Variants in KCTD16 observed in about 807,000 individuals in gnomAD.
KCTD16 encodes the protein BTB/POZ domain-containing protein KCTD16.
KCTD16 carries 13 observed loss-of-function variants against 33.2 expected under a neutral mutation model. The ratio of observed to expected loss-of-function variants is 0.39; its 90% CI spans 0.25 to 0.62. KCTD16 has a LOEUF of 0.62. KCTD16 is among the 20% of genes least tolerant of loss of function. KCTD16 has a pLI of 0.50. For missense variants in KCTD16, 441 were observed against 525.1 expected (o/e 0.84, Z 1.57); for synonymous variants, 197 against 195.3 (o/e 1.01, Z -0.07).
intron 2 of KCTD16, among the ~76,000 whole-genome samples, chr5:144,197,505 G>T (rs1304330952): frequency 1.3e-5 from 2 of 152,112 alleles, no homozygotes; most frequent in Non-Finnish European, 2.9e-5. Context: ...TCATTCATTT[G>T]CTTGTTCATT....
Position 144,474,825 on chromosome 5 carries a change from C to T in KCTD16, c.*711C>T, listed in dbSNP as rs921744693. ...AAGATTTCCCAGCCTTTCTTCACAA[C>T]ACTTTCTAACATCAAATGACTCTCA... On this transcript the variant is annotated 3_prime_UTR_variant, in exon 4 of 4. Coordinates refer to ENST00000512467, the MANE Select transcript of KCTD16 (RefSeq NM_020768.4). 1 of 152,232 alleles carries T rather than the reference C, an allele frequency of 6.6e-6. No homozygotes were observed. Among genetic ancestry groups the T allele is most frequent in the Non-Finnish European group, 1.5e-5 (1 of 68,054 alleles). 9.4% of individuals were successfully genotyped at this position (152,232 alleles called of 1,614,324 possible).
At chr5:144,468,551 C>A (rs1014729246) in intron 3 of KCTD16, among the ~76,000 whole-genome samples, 1 of 152,184 alleles carries the variant, frequency 6.6e-6, no homozygotes, top group African/African-American at 2.4e-5. Context: ...TTTTCAGAAG[C>A]TCTCATAGCC....
At chr5:144,396,237 G>A (rs368657909) in intron 3 of KCTD16, among the ~76,000 whole-genome samples, 59 of 152,132 alleles carry the variant, frequency 3.9e-4, no homozygotes, top group African/African-American at 1.3e-3. Flanking sequence ...GAGAAGAGGC[G>A]GCCAAACGGC....
intron 3 of KCTD16, among the ~76,000 whole-genome samples, chr5:144,233,101 G>T (rs1754152877): frequency 6.6e-6 from 1 of 151,938 alleles, no homozygotes; most frequent in Non-Finnish European, 1.5e-5. Context: ...TCGAGTCATG[G>T]TAGAACTGTG....
At chr5:144,332,189 A>G (rs972988369) in intron 3 of KCTD16, among the ~76,000 whole-genome samples, 22 of 152,224 alleles carry the variant, frequency 1.4e-4, no homozygotes, top group Non-Finnish European at 2.9e-5. Context: ...ATGAGAAACA[A>G]CAACATTATT....
At chr5:144,294,312 A>G (rs1367281019) in intron 3 of KCTD16, among the ~76,000 whole-genome samples, 2 of 152,320 alleles carry the variant, frequency 1.3e-5, no homozygotes, top group East Asian at 3.9e-4. Flanking sequence ...TTAAACAGCT[A>G]TTGACTTACT....
At chr5:144,237,978 C>T (rs1454891449) in intron 3 of KCTD16, among the ~76,000 whole-genome samples, 1 of 152,160 alleles carries the variant, frequency 6.6e-6, no homozygotes, top group Admixed American at 6.5e-5. Flanking sequence ...CTCCTGGAAC[C>T]ACTCTGGTTG....
intron 3 of KCTD16, among the ~76,000 whole-genome samples, chr5:144,375,482 T>C (rs1287239541): frequency 6.6e-6 from 1 of 152,110 alleles, no homozygotes; most frequent in African/African-American, 2.4e-5. Context: ...GGAATTCCTG[T>C]GTTTCTCCCC....
At position 144,475,450 on chromosome 5, in the gene KCTD16, C is replaced by T. The variant is rs752592386; in HGVS notation, c.*1336C>T. 2.6e-5 allele frequency: 4 copies of T among 152,524 alleles called. No individual in the cohort carries two copies. Among genetic ancestry groups the T allele is most frequent in the Non-Finnish European group, 5.9e-5 (4 of 68,042 alleles). The allele number at this position is 152,524 out of a possible 1,614,324, so 9.4% of individuals were successfully genotyped here. A position where few individuals can be genotyped will look rare whatever the true frequency, so the allele number is the denominator to read the frequency against. ...ACTATCTTTTTCAATTACATCCTGA[C>T]TTGTATAGACACAGCCAAAAAGAAA... On this transcript the variant is annotated 3_prime_UTR_variant, in exon 4 of 4. Transcript: ENST00000512467.
chr5:144,225,653 T>C (rs1753910245), intron 3 of KCTD16, among the ~76,000 whole-genome samples: 1 of 150,244 alleles, frequency 6.7e-6, no homozygotes, highest in South Asian at 2.1e-4. Context: ...GTAGCAAGAC[T>C]AATATGAGTG....
chr5:144,401,783 G>GGT (rs1752709771), intron 3 of KCTD16, among the ~76,000 whole-genome samples: 2 of 152,264 alleles, frequency 1.3e-5, no homozygotes, highest in South Asian at 4.1e-4. Flanking sequence ...TGCTTTATAA[G>GGT]GTAAAGTTAT....
At chr5:144,361,440 T>C (rs1751710797) in intron 3 of KCTD16, among the ~76,000 whole-genome samples, 1 of 152,200 alleles carries the variant, frequency 6.6e-6, no homozygotes, top group Non-Finnish European at 1.5e-5. Flanking sequence ...AACTGTGTCC[T>C]GGTCCTGGTT....
chr5:144,341,956 C>T (rs773696847), intron 3 of KCTD16, among the ~76,000 whole-genome samples: 4 of 152,082 alleles, frequency 2.6e-5, no homozygotes, highest in African/African-American at 4.8e-5. Flanking sequence ...GGAAGTTTTT[C>T]AGTAGTACAT....
chr5:144,416,494 T>C (rs1477375585), intron 3 of KCTD16, among the ~76,000 whole-genome samples: 3 of 152,204 alleles, frequency 2.0e-5, no homozygotes, highest in Non-Finnish European at 1.5e-5. Context: ...AACTAAGATG[T>C]GTTAGACAGA....
chr5:144,304,433 G>C (rs1422716), intron 3 of KCTD16, among the ~76,000 whole-genome samples: 51,115 of 151,986 alleles, frequency 0.34, 9,317 homozygotes, highest in African/African-American at 0.48. Flanking sequence ...GCACCTAGAG[G>C]TTAAGGGAAT....
At chr5:144,464,629 A>G (rs772311344) in intron 3 of KCTD16, among the ~76,000 whole-genome samples, 1 of 152,178 alleles carries the variant, frequency 6.6e-6, no homozygotes, top group African/African-American at 2.4e-5. Flanking sequence ...ATGACATGTG[A>G]TAGGTGCTCA....
chr5:144,360,983 C>T (rs547344137), intron 3 of KCTD16, among the ~76,000 whole-genome samples: 4 of 151,274 alleles, frequency 2.6e-5, no homozygotes, highest in Admixed American at 2.6e-4. Context: ...ATACATGTGC[C>T]ATGCTGGTGT....
At position 144,298,048 on chromosome 5, in the gene KCTD16, C is replaced by T. The variant is rs540313452; in HGVS notation, c.832+90502C>T. On this transcript the variant is annotated intron_variant, in intron 3 of 3. Transcript: ENST00000512467. ...CCAGCAAGGCGCCCATTGCCGCTCC[C>T]GATTGGGCTAAAGGCTTGCCATTGT... 4.3e-4 allele frequency among the ~76,000 whole-genome samples: 65 copies of T among 152,326 alleles called. 1 individual carries two copies. The highest frequency in any genetic ancestry group is 7.8e-4 in the Non-Finnish European group (53 of 68,032).
intron 2 of KCTD16, among the ~76,000 whole-genome samples, chr5:144,186,499 A>G (rs1326182768): frequency 6.6e-6 from 1 of 152,164 alleles, no homozygotes. Flanking sequence ...TTTTATTTAT[A>G]TGTGCTTTAA....
Sources: allele counts gnomAD v4.1 joint callset (sites outside exome capture counted in the v4.1 genomes callset), GRCh38; gene constraint gnomAD v4.1.1; transcripts MANE v1.5; gene names NCBI Gene and HGNC (gene_info 2026-07-23, HGNC 2026-07-21).